TTC23L: variants seen among roughly 807,000 people sequenced by gnomAD.
TTC23L encodes the protein tetratricopeptide repeat domain 23 like, also known as tetratricopeptide repeat protein 23-like.
Under a neutral mutation model 48.1 loss-of-function variants are expected in TTC23L, and 42 were observed. The observed-to-expected ratio is 0.87, with a 90% CI of 0.68 to 1.13. The LOEUF (loss-of-function observed/expected upper bound fraction) is 1.13, where lower values mean the gene tolerates loss of function less well. Ranked by LOEUF, TTC23L falls within the 50% of genes most tolerant of loss-of-function variation. The pLI, the probability that TTC23L is intolerant of heterozygous loss-of-function variation, is 0.00. For synonymous variants in TTC23L, 159 were observed against 157.2 expected (o/e 1.01, Z -0.09); for missense variants, 391 against 421.0 (o/e 0.93, Z 0.62).
chr5:34,873,481 T>C (rs571543080), intron 8 of TTC23L, among the ~76,000 whole-genome samples: 3 of 152,266 alleles, frequency 2.0e-5, no homozygotes, highest in East Asian at 1.9e-4. Flanking sequence ...TGCAATGTTA[T>C]CACCACGGGC....
intron 8 of TTC23L, among the ~76,000 whole-genome samples, chr5:34,879,951 G>T (rs1042509682): frequency 5.3e-5 from 8 of 152,104 alleles, no homozygotes; most frequent in Non-Finnish European, 8.8e-5. Flanking sequence ...AGCCGAGGTT[G>T]CACCGCTGCA....
exon 7 of TTC23L, chr5:34,866,901 G>A: frequency 6.3e-7 from 1 of 1,595,890 alleles, no homozygotes; most frequent in Non-Finnish European, 8.6e-7. Context: ...GAGCCTCCTT[G>A]GCCATCCACA....
At chr5:34,899,188 T>A (rs1256310696) in intron 10 of TTC23L, among the ~76,000 whole-genome samples, 1 of 152,090 alleles carries the variant, frequency 6.6e-6, no homozygotes, top group Non-Finnish European at 1.5e-5. Flanking sequence ...TAGTAAGATT[T>A]TAGAGGCCTA....
At chr5:34,896,628 T>G (rs1763243504) in intron 9 of TTC23L, 142 bp from the exon 10 acceptor site, 1 of 695,870 alleles carries the variant, frequency 1.4e-6, no homozygotes, top group African/African-American at 1.8e-5. Flanking sequence ...GACAACATTC[T>G]AGTGTAAGAG....
intron 2 of TTC23L, among the ~76,000 whole-genome samples, chr5:34,842,406 C>T (rs1441068865): frequency 6.6e-6 from 1 of 151,182 alleles, no homozygotes; most frequent in East Asian, 1.9e-4. Context: ...GTTTGGGGGG[C>T]CCCTATGTAA....
At chr5:34,852,174 G>A (rs959210042) in intron 4 of TTC23L, among the ~76,000 whole-genome samples, 5 of 152,130 alleles carry the variant, frequency 3.3e-5, no homozygotes, top group African/African-American at 1.2e-4. Context: ...CGTGAGCCAT[G>A]GCACCTGGCC....
At chr5:34,849,885 A>C (rs1327687802) in intron 3 of TTC23L, among the ~76,000 whole-genome samples, 1 of 152,208 alleles carries the variant, frequency 6.6e-6, no homozygotes, top group Non-Finnish European at 1.5e-5. Context: ...GCTATTATGT[A>C]GAAAGTAGAC....
At chr5:34,881,222 C>A (rs79063513) in intron 9 of TTC23L, among the ~76,000 whole-genome samples, 1 of 152,192 alleles carries the variant, frequency 6.6e-6, no homozygotes, top group African/African-American at 2.4e-5. Flanking sequence ...CTTCCATCTT[C>A]GGATCTAGCT....
At chr5:34,867,757 A>G (rs572216104) in intron 7 of TTC23L, 3 of 152,836 alleles carry the variant, frequency 2.0e-5, no homozygotes, top group African/African-American at 7.2e-5. Flanking sequence ...AAAAGGTGCA[A>G]TGCAATCTAA....
chr5:34,853,123 C>T (rs1322664404), intron 4 of TTC23L, among the ~76,000 whole-genome samples: 1 of 152,162 alleles, frequency 6.6e-6, no homozygotes, highest in Non-Finnish European at 1.5e-5. Flanking sequence ...GGGGAAGAAG[C>T]TACTGAGTTT....
the TTC23L span, chr5:34,915,731 G>T: frequency 6.3e-7 from 1 of 1,596,004 alleles, no homozygotes; most frequent in South Asian, 1.1e-5. Context: ...CGCGGGCGGC[G>T]AGGCAAGATG....
At chr5:34,893,475 AG>A (rs1207122542) in intron 9 of TTC23L, among the ~76,000 whole-genome samples, 1 of 152,202 alleles carries the variant, frequency 6.6e-6, no homozygotes. Context: ...TGAAACAAGA[AG>A]GCTTAGGAAA....
chr5:34,915,581 A>G, the TTC23L span: 6 of 938,316 alleles, frequency 6.4e-6, no homozygotes, highest in Non-Finnish European at 9.2e-6. Context: ...AGGCCTAGAG[A>G]GCCGCGCGTG....
At chr5:34,907,288 T>C in the TTC23L span, 3 of 152,270 alleles carry the variant, frequency 2.0e-5, no homozygotes, top group Non-Finnish European at 2.9e-5. Context: ...ACACTTTTAT[T>C]TGGGGGAGGT....
the TTC23L span, among the ~76,000 whole-genome samples, chr5:34,917,340 T>C: frequency 2.0e-5 from 3 of 152,102 alleles, no homozygotes; most frequent in African/African-American, 7.2e-5. Context: ...ATGGAAGTAT[T>C]ACTTTAAAAA....
the TTC23L span, among the ~76,000 whole-genome samples, chr5:34,910,095 A>G: frequency 2.6e-5 from 4 of 152,038 alleles, no homozygotes; most frequent in African/African-American, 9.7e-5. Context: ...GTCTAAATGG[A>G]TCTCCTGAGC....
At chr5:34,848,127 A>C (rs1437752266) in intron 3 of TTC23L, among the ~76,000 whole-genome samples, 1 of 152,214 alleles carries the variant, frequency 6.6e-6, no homozygotes, top group Non-Finnish European at 1.5e-5. Flanking sequence ...CAACACAATC[A>C]GTAAACAAAC....
chr5:34,925,372 G>A, the TTC23L span: 2 of 1,613,956 alleles, frequency 1.2e-6, no homozygotes, highest in Middle Eastern at 3.3e-4. Context: ...CAGCTGAGGA[G>A]AAACCAATAG....
intron 4 of TTC23L, among the ~76,000 whole-genome samples, chr5:34,854,301 T>C (rs1759940792): frequency 6.6e-6 from 1 of 152,212 alleles, no homozygotes; most frequent in South Asian, 2.1e-4. Flanking sequence ...CCACATGGTA[T>C]AGTGGAGCCT....
Sources: allele counts gnomAD v4.1 joint callset (sites outside exome capture counted in the v4.1 genomes callset), GRCh38; gene constraint gnomAD v4.1.1; transcripts MANE v1.5; gene names NCBI Gene and HGNC (gene_info 2026-07-23, HGNC 2026-07-21).